Variants in AOAH observed in about 807,000 individuals in gnomAD.
The protein encoded by AOAH is acyloxyacyl hydrolase (neutrophil).
A neutral mutation model predicts 92.2 loss-of-function variants in AOAH; 64 were observed. The observed-to-expected ratio is 0.69, with a 90% CI of 0.57 to 0.86. The LOEUF (loss-of-function observed/expected upper bound fraction) is 0.86, where lower values mean the gene tolerates loss of function less well. AOAH is among the 40% of genes least tolerant of loss of function. AOAH has a pLI of 0.00. For synonymous variants in AOAH, 263 were observed against 254.5 expected, an observed-to-expected ratio of 1.03 and a Z score of -0.32; for missense variants, 656 against 694.6, an observed-to-expected ratio of 0.94 and a Z score of 0.62.
At chr7:36,640,223 G>C (rs554802845) in intron 4 of AOAH, among the ~76,000 whole-genome samples, 2 of 152,236 alleles carry the variant, frequency 1.3e-5, no homozygotes, top group Admixed American at 1.3e-4. Flanking sequence ...ATCCCAGATG[G>C]ACATCCAGAC....
intron 13 of AOAH, among the ~76,000 whole-genome samples, chr7:36,575,760 T>C (rs74540166): frequency 1.3e-5 from 2 of 152,252 alleles, no homozygotes; most frequent in Admixed American, 1.3e-4. Context: ...GTAGGTCACA[T>C]ACTTAGTTTA....
chr7:36,665,812 G>T (rs1457439097), intron 3 of AOAH, among the ~76,000 whole-genome samples: 1 of 151,896 alleles, frequency 6.6e-6, no homozygotes, highest in African/African-American at 2.4e-5. Context: ...ATAATCATGA[G>T]ATTTTTCTTT....
chr7:36,521,849 C>T (rs1264867439), intron 20 of AOAH, among the ~76,000 whole-genome samples, 190 bp downstream of exon 20: 1 of 152,178 alleles, frequency 6.6e-6, no homozygotes, highest in Non-Finnish European at 1.5e-5. Flanking sequence ...ATAATTTCTA[C>T]TTTATTTCCC....
At chr7:36,550,763 T>G (rs1786173657) in intron 13 of AOAH, among the ~76,000 whole-genome samples, 1 of 152,194 alleles carries the variant, frequency 6.6e-6, no homozygotes, top group African/African-American at 2.4e-5. Flanking sequence ...AGTTGCCCCT[T>G]TCCATAGGAA....
chr7:36,717,133 T>G (rs77726942), intron 1 of AOAH, among the ~76,000 whole-genome samples: 6,206 of 152,242 alleles, frequency 0.041, 227 homozygotes, highest in East Asian at 0.087. Context: ...AGCTTCAATC[T>G]GCTTTGGGAA....
chr7:36,517,262 CTCTT>C (rs142858220), intron 20 of AOAH, among the ~76,000 whole-genome samples: 2,133 of 132,666 alleles, frequency 0.016, 123 homozygotes, highest in African/African-American at 0.052. Flanking sequence ...CTGTGTCTCT[CTCTT>C]TCTTTCTTTC....
rs547314939 is a variant in AOAH at position 36,564,001 on chromosome 7, T to G, written c.1021+12573A>C. The stretch of plus-strand genomic sequence containing the variant: ...CTAAATGATTCTCTAAAACATAGAT[T>G]TTTAAAAGGATGCATAATAATAGCC... On this transcript the variant is annotated intron_variant, in intron 13 of 20. Coordinates refer to ENST00000617537, the MANE Select transcript of AOAH (RefSeq NM_001637.4). 7.2e-5 allele frequency among the ~76,000 whole-genome samples: 11 copies of G among 152,270 alleles called. No homozygotes were observed. In the South Asian group the frequency reaches 2.3e-3, roughly 32 times the overall value.
chr7:36,677,654 A>C (rs912653654), intron 2 of AOAH, among the ~76,000 whole-genome samples: 12 of 152,250 alleles, frequency 7.9e-5, no homozygotes, highest in African/African-American at 2.7e-4. Flanking sequence ...ATGTGTACAC[A>C]AATATTTATA....
At chr7:36,626,767 G>A (rs1453106880) in intron 6 of AOAH, among the ~76,000 whole-genome samples, 2 of 152,030 alleles carry the variant, frequency 1.3e-5, no homozygotes, top group Non-Finnish European at 2.9e-5. Context: ...TGGCTCCAAG[G>A]CTTCTTGTTT....
intron 13 of AOAH, among the ~76,000 whole-genome samples, 198 bp downstream of exon 13, chr7:36,576,376 G>A (rs1032915575): frequency 4.6e-5 from 7 of 152,192 alleles, no homozygotes; most frequent in African/African-American, 1.7e-4. Flanking sequence ...ACTGCAGCTT[G>A]TTTTTGTTCT....
intron 1 of AOAH, among the ~76,000 whole-genome samples, chr7:36,697,238 G>C (rs374816524): frequency 6.6e-6 from 1 of 152,164 alleles, no homozygotes; most frequent in South Asian, 2.1e-4. Context: ...TTTGTTGAGA[G>C]ACTTTAACAT....
rs1799807538 is a variant in AOAH, at chr7:36,723,893, G to C, written c.127+129C>G. The C allele has an allele frequency of 3.0e-6, 3 of 1,000,396 alleles. No homozygotes were observed. In the South Asian group the frequency reaches 5.0e-5, roughly 17 times the overall value. The allele number at this position is 1,000,396 out of a possible 1,614,324, so 62.0% of individuals were successfully genotyped here. A position where few individuals can be genotyped will look rare whatever the true frequency, so the allele number is the denominator to read the frequency against. On this transcript the variant is annotated intron_variant, in intron 1 of 20. Transcript: ENST00000617537. ...ACTCCACATTTCTCTGTGTCAGTGAGGTTACTGGTGCCTTACCTGGAATCT... is the reference window on the plus strand; with the variant it reads ...ACTCCACATTTCTCTGTGTCAGTGACGTTACTGGTGCCTTACCTGGAATCT...
intron 1 of AOAH, among the ~76,000 whole-genome samples, chr7:36,687,857 A>C (rs1168647983): frequency 7.9e-5 from 12 of 152,210 alleles, no homozygotes. Context: ...ACGGATATGA[A>C]CAATAAAATT....
At chr7:36,517,927 A>C (rs1277014750) in intron 20 of AOAH, among the ~76,000 whole-genome samples, 1 of 45,432 alleles carries the variant, frequency 2.2e-5, no homozygotes, top group Non-Finnish European at 7.1e-5. Context: ...ACACACACAC[A>C]CACCCACACA....
chr7:36,579,716 A>AT (rs878903344), intron 12 of AOAH, among the ~76,000 whole-genome samples: 3 of 151,956 alleles, frequency 2.0e-5, no homozygotes, highest in African/African-American at 7.3e-5. Context: ...CTCTTTGCAC[A>AT]TTTTTTCTGC....
At chr7:36,544,674 G>A (rs1270490864) in intron 15 of AOAH, among the ~76,000 whole-genome samples, 1 of 152,172 alleles carries the variant, frequency 6.6e-6, no homozygotes, top group East Asian at 1.9e-4. Context: ...ACAAATGGCC[G>A]GGCTGGGAAC....
chr7:36,519,688 C>T (rs1037340220), intron 20 of AOAH, among the ~76,000 whole-genome samples: 1 of 152,212 alleles, frequency 6.6e-6, no homozygotes, highest in African/African-American at 2.4e-5. Flanking sequence ...CCTTGGCCTC[C>T]CAAAGTGCTG....
chr7:36,637,984 ATATT>A (rs993786870), intron 4 of AOAH, 74 bp from the exon 5 acceptor site: 7 of 1,259,114 alleles, frequency 5.6e-6, no homozygotes, highest in Non-Finnish European at 8.0e-6. Context: ...TAAAATTAGG[ATATT>A]TAAAGTCCAT....
chr7:36,702,131 A>G (rs1180370314), intron 1 of AOAH, among the ~76,000 whole-genome samples: 1 of 151,670 alleles, frequency 6.6e-6, no homozygotes, highest in Non-Finnish European at 1.5e-5. Context: ...ACAACAATAC[A>G]GTTTTATAAT....
Sources: allele counts gnomAD v4.1 joint callset (sites outside exome capture counted in the v4.1 genomes callset), GRCh38; gene constraint gnomAD v4.1.1; transcripts MANE v1.5; gene names NCBI Gene and HGNC (gene_info 2026-07-23, HGNC 2026-07-21).